TOX2: variants seen among roughly 807,000 people sequenced by gnomAD.
The protein encoded by TOX2 is granulosa cell HMG box 1.
TOX2 carries 15 observed loss-of-function variants against 47.4 expected under a neutral mutation model. That is an observed-to-expected ratio of 0.32 (90% CI 0.21 to 0.49). The LOEUF (loss-of-function observed/expected upper bound fraction) is 0.49, where lower values mean the gene tolerates loss of function less well. Ranked by LOEUF, TOX2 falls within the 20% of genes least tolerant of loss-of-function variation. The probability of loss-of-function intolerance (pLI) is 0.99; values close to 1 mark genes in which losing one functional copy is unlikely to be tolerated. For synonymous variants in TOX2, 290 were observed against 296.6 expected (o/e 0.98, Z 0.23); for missense variants, 622 against 673.1 (o/e 0.92, Z 0.84).
chr20:43,953,582 C>A (rs368354514), intron 1 of TOX2, among the ~76,000 whole-genome samples: 9 of 152,268 alleles, frequency 5.9e-5, no homozygotes, highest in Admixed American at 3.3e-4. Flanking sequence ...AGGCTGGTGG[C>A]AAGGTCAGTG....
At chr20:44,014,612 G>A (rs1175497468) in intron 3 of TOX2, among the ~76,000 whole-genome samples, 3 of 152,174 alleles carry the variant, frequency 2.0e-5, no homozygotes, top group Non-Finnish European at 4.4e-5. Flanking sequence ...TCCTCCCTGA[G>A]CCTCAGTTTC....
At chr20:43,976,422 AT>A (rs2145487188) in intron 2 of TOX2, among the ~76,000 whole-genome samples, 1 of 152,324 alleles carries the variant, frequency 6.6e-6, no homozygotes, top group South Asian at 2.1e-4. Flanking sequence ...AAGAGCAGAA[AT>A]TGCAAGATTT....
chr20:43,974,928 TATATTGC>T (rs2070049973), intron 2 of TOX2, among the ~76,000 whole-genome samples: 1 of 152,238 alleles, frequency 6.6e-6, no homozygotes, highest in Non-Finnish European at 1.5e-5. Context: ...AAGCTGCCTT[TATATTGC>T]ATTGACATGC....
At chr20:43,983,087 G>T (rs2070196525) in intron 2 of TOX2, among the ~76,000 whole-genome samples, 1 of 151,918 alleles carries the variant, frequency 6.6e-6, no homozygotes, top group Admixed American at 6.5e-5. Context: ...GAACCTGCTG[G>T]CTGTGAGCCT....
intron 2 of TOX2, among the ~76,000 whole-genome samples, chr20:44,005,043 A>C (rs144425255): frequency 6.6e-6 from 1 of 152,262 alleles, no homozygotes; most frequent in African/African-American, 2.4e-5. Context: ...TATTTGTATC[A>C]AAACATCACT....
intron 3 of TOX2, among the ~76,000 whole-genome samples, chr20:44,039,964 G>C (rs1396809777): frequency 1.3e-5 from 2 of 152,226 alleles, no homozygotes; most frequent in African/African-American, 4.8e-5. Flanking sequence ...CCGGGGGGCA[G>C]GGTCTCCACT....
At chr20:43,993,548 TGGTG>T (rs2070409368) in intron 2 of TOX2, among the ~76,000 whole-genome samples, 1 of 152,026 alleles carries the variant, frequency 6.6e-6, no homozygotes, top group Admixed American at 6.6e-5. Context: ...GAAATGGACT[TGGTG>T]GGTACAAGGA....
Position 43,921,789 on chromosome 20 carries a change from G to T in TOX2, c.99+6799G>T, listed in dbSNP as rs59052930. 5.5e-3 allele frequency among the ~76,000 whole-genome samples: 841 copies of T among 152,192 alleles called. 10 individuals are homozygous for T. The highest frequency in any genetic ancestry group is 0.019 in the African/African-American group (796 of 41,518). ...TCCTTCTGCTTTGGCCTCTCGAAGC[G>T]CTGGGACTGCAGGCATGAGCCACCA... is the stretch of plus-strand genomic sequence containing the variant. On this transcript the variant is annotated intron_variant, in intron 1 of 8. Coordinates refer to ENST00000341197, the MANE Select transcript of TOX2 (RefSeq NM_001098797.2).
chr20:44,009,633 C>T (rs1321023560), intron 3 of TOX2, among the ~76,000 whole-genome samples: 5 of 152,158 alleles, frequency 3.3e-5, no homozygotes, highest in African/African-American at 1.2e-4. Context: ...TAAATAACTC[C>T]CACATGCTTA....
chr20:43,927,373 G>A (rs2069181277), intron 1 of TOX2, among the ~76,000 whole-genome samples: 1 of 151,472 alleles, frequency 6.6e-6, no homozygotes, highest in Admixed American at 6.6e-5. Flanking sequence ...CCTGTGGGCT[G>A]GTATTTTTGG....
chr20:43,925,420 C>T (rs554298149), intron 1 of TOX2, among the ~76,000 whole-genome samples: 1 of 152,286 alleles, frequency 6.6e-6, no homozygotes, highest in Admixed American at 6.5e-5. Context: ...CCTTGGGGGC[C>T]TCTTTGTCCC....
At chr20:43,955,747 A>G (rs73288998) in intron 1 of TOX2, among the ~76,000 whole-genome samples, 2,555 of 152,266 alleles carry the variant, frequency 0.017, 61 homozygotes, top group African/African-American at 0.058. Context: ...AGCCATCAGT[A>G]TAAATTTCTA....
chr20:44,018,247 G>A (rs919580206), intron 3 of TOX2, among the ~76,000 whole-genome samples: 5 of 152,130 alleles, frequency 3.3e-5, no homozygotes, highest in African/African-American at 1.2e-4. Context: ...GCTGCCCTCT[G>A]GTACCCACCC....
intron 1 of TOX2, among the ~76,000 whole-genome samples, chr20:43,917,784 G>A (rs2069074030): frequency 6.6e-6 from 1 of 152,180 alleles, no homozygotes; most frequent in South Asian, 2.1e-4. Flanking sequence ...AAATAGATGT[G>A]TATTTTATTA....
At chr20:43,940,052 G>C (rs950224438) in intron 1 of TOX2, among the ~76,000 whole-genome samples, 1 of 152,172 alleles carries the variant, frequency 6.6e-6, no homozygotes, top group Non-Finnish European at 1.5e-5. Context: ...TATGGGGCTT[G>C]GGGTACTGCA....
chr20:43,977,882 A>G (rs1348040361), intron 2 of TOX2, among the ~76,000 whole-genome samples: 1 of 152,164 alleles, frequency 6.6e-6, no homozygotes, highest in Non-Finnish European at 1.5e-5. Context: ...GTGACCCAGA[A>G]AGAGTCTCCT....
At chr20:43,918,104 G>A (rs1226495732) in intron 1 of TOX2, among the ~76,000 whole-genome samples, 2 of 152,120 alleles carry the variant, frequency 1.3e-5, no homozygotes, top group Non-Finnish European at 2.9e-5. Context: ...ATGGTTCAGG[G>A]GTTTAGAGCC....
chr20:44,054,754 G>A (rs558789328), intron 5 of TOX2, among the ~76,000 whole-genome samples: 18 of 152,094 alleles, frequency 1.2e-4, no homozygotes, highest in South Asian at 1.0e-3. Context: ...TCTGCTTCCC[G>A]CAACTTAACC....
rs764481785 is a variant in TOX2, at chr20:44,064,834, T to C, written c.937T>C (p.Tyr313His). The change falls in exon 6 of 9, where the codon TAC (tyrosine) becomes CAC (histidine). Residue 313 changes from tyrosine (Y) to histidine (H), a missense_variant. By Grantham distance (83) the Tyr-to-His change is moderately conservative. Coordinates refer to ENST00000341197, the MANE Select transcript of TOX2 (RefSeq NM_001098797.2). ...GGAATATCTGAAGGCCCTGGCAGCC[T>C]ACCGGGCTAGCCTCGTCTCCAAGGT... ...KKEYLKALAA[Y>H]RASLVSKSSP... is the part of the protein sequence containing the mutation. 2 of 1,614,126 alleles carry C rather than the reference T, an allele frequency of 1.2e-6. No homozygotes were observed. The highest frequency in any genetic ancestry group is 1.7e-5 in the Admixed American group (1 of 60,024).
Sources: gnomAD v4.1 joint callset for allele counts (sites outside exome capture counted in the v4.1 genomes callset) on GRCh38, gnomAD v4.1.1 for gene constraint, MANE v1.5 for transcripts, NCBI Gene and HGNC (gene_info 2026-07-23, HGNC 2026-07-21) for gene names.